Variants in PDE10A observed in about 807,000 individuals in gnomAD.
PDE10A encodes the protein cAMP and cAMP-inhibited cGMP 3',5'-cyclic phosphodiesterase 10A.
Under a neutral mutation model 97.7 loss-of-function variants are expected in PDE10A, and 39 were observed. The ratio of observed to expected loss-of-function variants is 0.40; its 90% CI spans 0.31 to 0.52. The LOEUF is 0.52. Among genes scored for constraint, PDE10A ranks in the 20% least tolerant of loss-of-function variants. PDE10A has a pLI of 0.56. For missense variants in PDE10A, 731 were observed against 1,047.8 expected (o/e 0.70, Z 4.17); for synonymous variants, 371 against 376.8 (o/e 0.98, Z 0.18).
chr6:165,906,006 T>TCCCTCCCTCCCTCCCTC (rs1562791915), intron 1 of PDE10A, among the ~76,000 whole-genome samples: 3 of 44,082 alleles, frequency 6.8e-5, no homozygotes, highest in Non-Finnish European at 8.3e-5. Context: ...CTTCCTTCCT[T>TCCCTCCCTCCCTCCCTC]CCTTCCTTCC....
intron 3 of PDE10A, among the ~76,000 whole-genome samples, chr6:165,463,992 T>C (rs1331160174): frequency 2.6e-5 from 4 of 152,228 alleles, no homozygotes; most frequent in Non-Finnish European, 4.4e-5. Flanking sequence ...TTAATATCTA[T>C]AGAAACAATG....
chr6:165,370,103 C>T (rs1211797106), intron 18 of PDE10A, among the ~76,000 whole-genome samples: 2 of 152,032 alleles, frequency 1.3e-5, no homozygotes, highest in Non-Finnish European at 2.9e-5. Flanking sequence ...AAGGAACAAC[C>T]GGTACAGCCG....
chr6:165,885,313 G>A (rs538765846), intron 1 of PDE10A, among the ~76,000 whole-genome samples: 79 of 152,244 alleles, frequency 5.2e-4, no homozygotes, highest in African/African-American at 1.9e-3. Context: ...AAGGGGAAGT[G>A]GGCACCTTCT....
chr6:165,597,340 A>T (rs550031444), intron 1 of PDE10A, among the ~76,000 whole-genome samples: 33 of 152,308 alleles, frequency 2.2e-4, no homozygotes, highest in African/African-American at 7.7e-4. Context: ...CTTTCTTCTA[A>T]TATAGAGTAC....
intron 1 of PDE10A, among the ~76,000 whole-genome samples, chr6:165,826,820 C>T (rs1779772379): frequency 1.3e-5 from 2 of 151,178 alleles, no homozygotes; most frequent in Admixed American, 1.3e-4. Context: ...GGGAGGAGAG[C>T]CAGGAGGGGT....
At chr6:165,768,843 CTT>C (rs1207117116) in intron 1 of PDE10A, among the ~76,000 whole-genome samples, 1 of 152,100 alleles carries the variant, frequency 6.6e-6, no homozygotes, top group African/African-American at 2.4e-5. Flanking sequence ...TCGTAATCAT[CTT>C]TGTTATTCTC....
chr6:165,843,257 G>A (rs1268725506), intron 1 of PDE10A, among the ~76,000 whole-genome samples: 1 of 152,174 alleles, frequency 6.6e-6, no homozygotes, highest in Non-Finnish European at 1.5e-5. Flanking sequence ...GGCTCGCAAG[G>A]TGGCCCTGAA....
intron 1 of PDE10A, among the ~76,000 whole-genome samples, chr6:165,913,295 C>A (rs1332390107): frequency 6.6e-6 from 1 of 151,962 alleles, no homozygotes; most frequent in Non-Finnish European, 1.5e-5. Flanking sequence ...CACACACACA[C>A]ACACACACAC....
chr6:165,494,463 G>GT (rs1554273333), intron 2 of PDE10A, among the ~76,000 whole-genome samples: 1 of 146,490 alleles, frequency 6.8e-6, no homozygotes, highest in African/African-American at 2.5e-5. Context: ...TGTGGGGGGG[G>GT]GTGTGTGTGT....
intron 1 of PDE10A, among the ~76,000 whole-genome samples, chr6:165,871,916 A>G (rs1444805191): frequency 6.6e-6 from 1 of 152,186 alleles, no homozygotes; most frequent in Non-Finnish European, 1.5e-5. Context: ...AAATCAAGGT[A>G]TTTTCAAGAA....
intron 1 of PDE10A, among the ~76,000 whole-genome samples, chr6:165,680,756 T>C (rs1293252771): frequency 6.6e-6 from 1 of 152,042 alleles, no homozygotes; most frequent in Non-Finnish European, 1.5e-5. Flanking sequence ...ATACAAAAAT[T>C]AGCCGGGTGT....
chr6:165,794,057 G>A (rs1467224157), intron 1 of PDE10A, among the ~76,000 whole-genome samples: 2 of 152,066 alleles, frequency 1.3e-5, no homozygotes, highest in Non-Finnish European at 2.9e-5. Context: ...AAGTCGAGCC[G>A]TTTGACTGCA....
intron 1 of PDE10A, among the ~76,000 whole-genome samples, chr6:165,602,094 T>G (rs1214539079): frequency 1.3e-5 from 2 of 152,232 alleles, no homozygotes; most frequent in Non-Finnish European, 2.9e-5. Flanking sequence ...ATTTCTGTTT[T>G]CACTAGTCCC....
chr6:165,476,439 T>C (rs1779304004), intron 3 of PDE10A, among the ~76,000 whole-genome samples: 1 of 151,916 alleles, frequency 6.6e-6, no homozygotes, highest in African/African-American at 2.4e-5. Flanking sequence ...CAAGAAACAG[T>C]AGAGAAGTTC....
intron 1 of PDE10A, chr6:165,986,515 C>CTCTCTCTCTCTCTCTCTCTCTG (rs1785226316): frequency 3.7e-5 from 1 of 26,960 alleles, no homozygotes; most frequent in Non-Finnish European, 9.6e-5. Context: ...CTCTCTCTGT[C>CTCTCTCTCTCTCTCTCTCTCTG]TCTCTCTCTC....
In PDE10A at chr6:165,480,441, CT is replaced by C. The variant is rs1480953108; in HGVS notation, c.1023+1873del. Among the ~76,000 whole-genome samples, 7 of 152,192 alleles carry C rather than the reference CT, an allele frequency of 4.6e-5. No homozygotes were observed. The South Asian group carries it at 6.2e-4, about 14-fold the overall frequency. On this transcript the variant is annotated intron_variant, in intron 3 of 21. Coordinates refer to ENST00000539869, the MANE Select transcript of PDE10A (RefSeq NM_001385079.1). Reference sequence around the variant, plus strand: ...CATCTCTATTTAAAAAAAAAATTAGCTGGGCATGGTGGCACAGGCCTGTAGT... The same window carrying C: ...CATCTCTATTTAAAAAAAAAATTAGCGGGCATGGTGGCACAGGCCTGTAGT...
rs1238034696 is a variant in PDE10A, at chr6:165,650,593, T to G, written c.865+11354A>C. Among the ~76,000 whole-genome samples the G allele has an allele frequency of 2.6e-5, 4 of 152,368 alleles. No individual in the cohort carries two copies. The East Asian group carries it at 7.7e-4, about 29-fold the overall frequency. On this transcript the variant is annotated intron_variant, in intron 1 of 21. Transcript: ENST00000539869. ...CATTCGTTTACACTGCTGCAAATGT[T>G]ATTTAACCAAGCGCCCACTCGTAGA...
chr6:165,815,222 G>C (rs1779378190), intron 1 of PDE10A, among the ~76,000 whole-genome samples: 1 of 152,096 alleles, frequency 6.6e-6, no homozygotes, highest in South Asian at 2.1e-4. Flanking sequence ...TCGATCAGTT[G>C]ACAATAGCCA....
At chr6:165,886,617 C>G (rs986627636) in intron 1 of PDE10A, among the ~76,000 whole-genome samples, 1 of 152,288 alleles carries the variant, frequency 6.6e-6, no homozygotes, top group East Asian at 1.9e-4. Flanking sequence ...ACTTCTTGGC[C>G]TTGCTTTTTT....
Sources: allele counts gnomAD v4.1 joint callset (sites outside exome capture counted in the v4.1 genomes callset), GRCh38; gene constraint gnomAD v4.1.1; transcripts MANE v1.5; gene names NCBI Gene and HGNC (gene_info 2026-07-23, HGNC 2026-07-21).